Variants in PIK3R3 observed in about 807,000 individuals in gnomAD.
PIK3R3 encodes phosphatidylinositol 3-kinase regulatory subunit gamma.
PIK3R3 carries 64 observed loss-of-function variants against 62.9 expected under a neutral mutation model. The ratio of observed to expected loss-of-function variants is 1.02; its 90% CI spans 0.83 to 1.25. PIK3R3 has a LOEUF of 1.25. Ranked by LOEUF, PIK3R3 falls within the 50% of genes most tolerant of loss-of-function variation. PIK3R3 has a pLI of 0.00. For missense variants in PIK3R3, 614 were observed against 561.6 expected, an observed-to-expected ratio of 1.09 and a Z score of -0.94; for synonymous variants, 165 against 189.0, an observed-to-expected ratio of 0.87 and a Z score of 1.04.
intron 1 of PIK3R3, among the ~76,000 whole-genome samples, chr1:46,101,389 G>A (rs886292795): frequency 4.0e-5 from 6 of 151,708 alleles, no homozygotes; most frequent in East Asian, 3.9e-4. Context: ...ACAGCTACTC[G>A]GGAGGCTGAG....
At chr1:46,096,084 C>A (rs1473454272) in intron 1 of PIK3R3, among the ~76,000 whole-genome samples, 1 of 152,192 alleles carries the variant, frequency 6.6e-6, no homozygotes, top group South Asian at 2.1e-4. Flanking sequence ...GTGCCCGACA[C>A]AATGGATTAA....
At chr1:46,117,103 A>C (rs1404625206) in intron 1 of PIK3R3, among the ~76,000 whole-genome samples, 1 of 152,184 alleles carries the variant, frequency 6.6e-6, no homozygotes, top group African/African-American at 2.4e-5. Context: ...AAAAAAATTA[A>C]GAACATCAGG....
intron 1 of PIK3R3, among the ~76,000 whole-genome samples, chr1:46,088,153 G>GA (rs1433306253): frequency 6.6e-6 from 1 of 152,206 alleles, no homozygotes; most frequent in Non-Finnish European, 1.5e-5. Flanking sequence ...GGGAGGCCAA[G>GA]ACAGGAGTAT....
Position 46,071,712 on chromosome 1 carries a change from A to AAAAAAAAACATAT in PIK3R3, c.315-4622_315-4621insATATGTTTTTTTT, listed in dbSNP as rs1472807815. Among the ~76,000 whole-genome samples the AAAAAAAAACATAT allele has an allele frequency of 2.0e-4, 5 of 24,644 alleles. 1 individual carries two copies. Among genetic ancestry groups the AAAAAAAAACATAT allele is most frequent in the Admixed American group, 6.2e-4 (1 of 1,620 alleles). 16.2% of individuals were successfully genotyped at this position (24,644 alleles called of 152,430 possible). On this transcript the variant is annotated intron_variant, in intron 3 of 9. Transcript: ENST00000262741. ...CTCTGTCTCCAAAAAAAAAAAAAAA[A>AAAAAAAAACATAT]ATATATATATATATATATAGAGAGA...
chr1:46,101,933 A>G (rs1557610933), intron 1 of PIK3R3, among the ~76,000 whole-genome samples: 1 of 150,754 alleles, frequency 6.6e-6, no homozygotes, highest in East Asian at 1.9e-4. Flanking sequence ...GTATTTTATA[A>G]CTTTAAAAAA....
chr1:46,173,961 G>A, the PIK3R3 span, among the ~76,000 whole-genome samples: 1 of 152,130 alleles, frequency 6.6e-6, no homozygotes, highest in Non-Finnish European at 1.5e-5. Context: ...GTCTGCATGC[G>A]TGTATGTCTG....
At chr1:46,088,295 C>T (rs113042448) in intron 1 of PIK3R3, among the ~76,000 whole-genome samples, 1 of 146,716 alleles carries the variant, frequency 6.8e-6, no homozygotes, top group African/African-American at 2.4e-5. Context: ...CATATATTTA[C>T]CACAACTTAA....
At chr1:46,061,842 G>C in intron 6 of PIK3R3, 87 bp downstream of exon 6, 1 of 1,258,324 alleles carries the variant, frequency 7.9e-7, no homozygotes, top group Non-Finnish European at 1.2e-6. Flanking sequence ...GCAGTTTGAG[G>C]GGGTAAAAGA....
chr1:46,165,751 C>CTTTTT, the PIK3R3 span, among the ~76,000 whole-genome samples: 6 of 39,554 alleles, frequency 1.5e-4, 2 homozygotes, highest in African/African-American at 1.9e-4. Flanking sequence ...CTGCTTTGTC[C>CTTTTT]TTTTTTTTTT....
At chr1:46,173,270 C>T in the PIK3R3 span, among the ~76,000 whole-genome samples, 2 of 152,306 alleles carry the variant, frequency 1.3e-5, no homozygotes, top group East Asian at 3.9e-4. Flanking sequence ...AACGGAGCCC[C>T]TGTTACAAGT....
At chr1:46,081,065 A>G (rs935240348) in intron 1 of PIK3R3, among the ~76,000 whole-genome samples, 2 of 152,174 alleles carry the variant, frequency 1.3e-5, no homozygotes, top group African/African-American at 4.8e-5. Flanking sequence ...TAAGTGACCA[A>G]TGTACAACAT....
At chr1:46,096,437 T>C (rs1652131703) in intron 1 of PIK3R3, among the ~76,000 whole-genome samples, 1 of 152,230 alleles carries the variant, frequency 6.6e-6, no homozygotes, top group South Asian at 2.1e-4. Flanking sequence ...GACAGTATAC[T>C]AGGCAGATTT....
In PIK3R3 at chr1:46,066,921, C is replaced by A. The variant is rs1649045346; in HGVS notation, c.485G>T (p.Arg162Ile). The change falls in exon 4 of 10, where the codon AGA becomes ATA. Residue 162 changes from arginine to isoleucine, a missense_variant. Arg to Ile is a moderately conservative substitution (Grantham distance 97). Coordinates refer to ENST00000262741, the MANE Select transcript of PIK3R3 (RefSeq NM_003629.4). ...TTTCCATAATCATACCTGTTGGTATCTGGACACTGGGTACATCAGCTTCAC... is the reference window on the plus strand; with the variant it reads ...TTTCCATAATCATACCTGTTGGTATATGGACACTGGGTACATCAGCTTCAC... Reference protein sequence around the residue: ...LDVKLMYPVSRYQQDQLVKED... With the variant: ...LDVKLMYPVSIYQQDQLVKED... 1 of 1,612,642 alleles carries A rather than the reference C, an allele frequency of 6.2e-7. No homozygotes were observed. Among genetic ancestry groups the A allele is most frequent in the African/African-American group, 1.3e-5 (1 of 74,810 alleles).
chr1:46,119,213 T>C (rs1654450547), intron 1 of PIK3R3, among the ~76,000 whole-genome samples: 2 of 152,218 alleles, frequency 1.3e-5, no homozygotes, highest in African/African-American at 4.8e-5. Context: ...TGAAGCATTT[T>C]TGCTGTTTTG....
Position 46,040,541 on chromosome 1 carries a change from G to C in PIK3R3, c.*3132C>G. 3 of 227,678 alleles carry C rather than the reference G, an allele frequency of 1.3e-5. No homozygotes were observed. Among genetic ancestry groups the C allele is most frequent in the Admixed American group, 5.7e-5 (1 of 17,602 alleles). The allele number at this position is 227,678 out of a possible 1,614,324, so 14.1% of individuals were successfully genotyped here. On this transcript the variant is annotated 3_prime_UTR_variant, in exon 10 of 10. Coordinates refer to ENST00000262741, the MANE Select transcript of PIK3R3 (RefSeq NM_003629.4). Reference sequence around the variant, plus strand: ...GAGCTAAAGCAGGTTTGAGCAGTTGGCAGCAGAGGGCCCAAGCAGGCCCCC... The same window carrying C: ...GAGCTAAAGCAGGTTTGAGCAGTTGCCAGCAGAGGGCCCAAGCAGGCCCCC...
chr1:46,078,399 T>C (rs1459958205), intron 2 of PIK3R3, among the ~76,000 whole-genome samples: 1 of 151,830 alleles, frequency 6.6e-6, no homozygotes, highest in Admixed American at 6.6e-5. Flanking sequence ...TAGCCGGACG[T>C]GGTGGCAGGG....
At chr1:46,112,384 C>G (rs952972055) in intron 1 of PIK3R3, among the ~76,000 whole-genome samples, 5 of 152,072 alleles carry the variant, frequency 3.3e-5, no homozygotes, top group Non-Finnish European at 7.4e-5. Context: ...TTTTTAGTAG[C>G]AAATATTGGA....
At chr1:46,129,433 A>ATTTC (rs1655386325) in intron 1 of PIK3R3, among the ~76,000 whole-genome samples, 2 of 151,718 alleles carry the variant, frequency 1.3e-5, no homozygotes, top group Non-Finnish European at 2.9e-5. Flanking sequence ...TTATTTATTT[A>ATTTC]TTTATTTATT....
intron 3 of PIK3R3, among the ~76,000 whole-genome samples, chr1:46,074,060 C>A (rs1331116537): frequency 6.9e-6 from 1 of 144,850 alleles, no homozygotes; most frequent in Admixed American, 7.1e-5. Context: ...GAGGCCGAGG[C>A]GGGCGGATCA....
Sources: allele counts gnomAD v4.1 joint callset (sites outside exome capture counted in the v4.1 genomes callset), GRCh38; gene constraint gnomAD v4.1.1; transcripts MANE v1.5; gene names NCBI Gene and HGNC (gene_info 2026-07-23, HGNC 2026-07-21).